The following GREB1L variants were observed in gnomAD, a reference collection of about 807,000 sequenced individuals.
GREB1L encodes the protein GREB1-like protein.
Under a neutral mutation model 200.8 loss-of-function variants are expected in GREB1L, and 17 were observed. The observed-to-expected ratio is 0.08, with a 90% CI of 0.06 to 0.13. The LOEUF (loss-of-function observed/expected upper bound fraction) is 0.13, where lower values mean the gene tolerates loss of function less well. GREB1L is among the 10% of genes least tolerant of loss of function. GREB1L has a pLI of 1.00. For synonymous variants in GREB1L, 789 were observed against 893.0 expected, an observed-to-expected ratio of 0.88 and a Z score of 2.08; for missense variants, 1,657 against 2,367.7, an observed-to-expected ratio of 0.70 and a Z score of 6.23.
chr18:21,305,354 G>A lies in GREB1L; in HGVS notation c.-119-60673G>A, dbSNP rs538440042. On this transcript the variant is annotated intron_variant, in intron 1 of 32. Coordinates refer to ENST00000424526, the MANE Select transcript of GREB1L (RefSeq NM_001142966.3). The stretch of plus-strand genomic sequence containing the variant: ...CTATGTAAAGTTCTTATTGATTTAC[G>A]TACCTGTTTGATTCCCTTACATAAC... Among the ~76,000 whole-genome samples, 18 of 152,040 alleles carry A rather than the reference G, an allele frequency of 1.2e-4. 1 individual carries two copies. In the East Asian group the frequency reaches 1.4e-3, roughly 11 times the overall value.
chr18:21,455,545 TAG>T (rs2145483685), intron 15 of GREB1L, among the ~76,000 whole-genome samples: 1 of 151,952 alleles, frequency 6.6e-6, no homozygotes, highest in Non-Finnish European at 1.5e-5. Flanking sequence ...AGCCAGGTGG[TAG>T]TGGCACATGC....
At chr18:21,492,215 G>A (rs1459606932) in intron 19 of GREB1L, among the ~76,000 whole-genome samples, 2 of 151,912 alleles carry the variant, frequency 1.3e-5, no homozygotes, top group South Asian at 4.2e-4. Context: ...GCATGGTGGC[G>A]GGCGCCTGTG....
intron 1 of GREB1L, among the ~76,000 whole-genome samples, chr18:21,346,272 C>G (rs1394713059): frequency 6.6e-6 from 1 of 152,114 alleles, no homozygotes; most frequent in Non-Finnish European, 1.5e-5. Context: ...CTATCATGAC[C>G]ACTCACTAGG....
Position 21,441,478 on chromosome 18 carries a change from C to G in GREB1L, c.1148C>G (p.Thr383Ser). 1 of 1,551,470 alleles carries G rather than the reference C, an allele frequency of 6.4e-7. No individual in the cohort carries two copies. Among genetic ancestry groups the G allele is most frequent in the South Asian group, 1.2e-5 (1 of 84,050 alleles). ...CCCAGGCCCATTCCTGCAGGGGAAA[C>G]TGTAATTGTTCCTGAAAACCTGCTG... ...LQPRPIPAGE[T>S]VIVPENLLSN... Residue 383 changes from threonine (T) to serine (S), a missense_variant, in exon 10 of 33, where the codon ACT becomes AGT. By Grantham distance (58) the Thr-to-Ser change is moderately conservative. This residue lies in a region of GREB1L where 289 missense variants were observed against 345.1 expected (regional missense o/e 0.84). Coordinates refer to ENST00000424526, the MANE Select transcript of GREB1L (RefSeq NM_001142966.3).
intron 1 of GREB1L, among the ~76,000 whole-genome samples, chr18:21,355,982 CT>C (rs869238658): frequency 2.0e-3 from 222 of 109,182 alleles, no homozygotes; most frequent in Middle Eastern, 6.6e-3. Context: ...AATTAGGCTT[CT>C]TTTTTTTTTT....
At chr18:21,392,278 T>C (rs2040855135) in intron 4 of GREB1L, among the ~76,000 whole-genome samples, 1 of 152,094 alleles carries the variant, frequency 6.6e-6, no homozygotes, top group African/African-American at 2.4e-5. Flanking sequence ...TTAGCTGCCA[T>C]CATCATCATC....
At chr18:21,443,740 A>G (rs1021650058) in intron 10 of GREB1L, among the ~76,000 whole-genome samples, 2 of 152,192 alleles carry the variant, frequency 1.3e-5, no homozygotes, top group African/African-American at 4.8e-5. Flanking sequence ...CCCATATCAA[A>G]TCGAATATCC....
intron 1 of GREB1L, among the ~76,000 whole-genome samples, chr18:21,273,562 G>A (rs1014728924): frequency 1.1e-4 from 17 of 152,166 alleles, no homozygotes; most frequent in Admixed American, 2.0e-4. Context: ...ACACTAATCT[G>A]TAATTATATA....
intron 2 of GREB1L, among the ~76,000 whole-genome samples, chr18:21,369,601 A>C (rs542971949): frequency 6.6e-6 from 1 of 152,330 alleles, no homozygotes; most frequent in South Asian, 2.1e-4. Flanking sequence ...ATAGTACAAT[A>C]ATTATTTCTA....
intron 19 of GREB1L, among the ~76,000 whole-genome samples, chr18:21,494,324 C>G (rs774637113): frequency 6.6e-6 from 1 of 152,136 alleles, no homozygotes; most frequent in Non-Finnish European, 1.5e-5. Flanking sequence ...TAAGCTTCTT[C>G]CAGTTTTACA....
intron 1 of GREB1L, among the ~76,000 whole-genome samples, chr18:21,331,413 T>G: frequency 6.6e-6 from 1 of 152,186 alleles, no homozygotes. Context: ...GTCAGAAGAT[T>G]AATTATGCTC....
chr18:21,274,630 A>T (rs898444174), intron 1 of GREB1L, among the ~76,000 whole-genome samples: 1 of 152,158 alleles, frequency 6.6e-6, no homozygotes, highest in Non-Finnish European at 1.5e-5. Flanking sequence ...ACAATGACAC[A>T]TGCCTGTAAT....
chr18:21,277,154 T>A (rs551276036), intron 1 of GREB1L, among the ~76,000 whole-genome samples: 6 of 152,182 alleles, frequency 3.9e-5, no homozygotes, highest in African/African-American at 1.4e-4. Flanking sequence ...GGTCTCAATC[T>A]CCTGACCTTG....
rs1245387081 is a variant in GREB1L at position 21,524,141 on chromosome 18, T to A, written c.*1320T>A. On this transcript the variant is annotated 3_prime_UTR_variant, in exon 33 of 33. Transcript: ENST00000424526. ...CCCATATTTACTACTTTATCCCCACTTAAAATGGCCATTTTTACTTGAATC... is the reference window on the plus strand; with the variant it reads ...CCCATATTTACTACTTTATCCCCACATAAAATGGCCATTTTTACTTGAATC... 2 of 152,240 alleles carry A rather than the reference T, an allele frequency of 1.3e-5. No individual in the cohort carries two copies. The highest frequency in any genetic ancestry group is 2.9e-5 in the Non-Finnish European group (2 of 68,034). The allele number at this position is 152,240 out of a possible 1,614,324, so 9.4% of individuals were successfully genotyped here.
In GREB1L at chr18:21,522,841, C is replaced by G. The variant is rs1189065580; in HGVS notation, c.*20C>G. 7 of 1,528,494 alleles carry G rather than the reference C, an allele frequency of 4.6e-6. No homozygotes were observed. The highest frequency in any genetic ancestry group is 6.2e-6 in the Non-Finnish European group (7 of 1,135,748). The allele number at this position is 1,528,494 out of a possible 1,614,324, so 94.7% of individuals were successfully genotyped here. On this transcript the variant is annotated 3_prime_UTR_variant, in exon 33 of 33. Coordinates refer to ENST00000424526, the MANE Select transcript of GREB1L (RefSeq NM_001142966.3). ...GTATGAGCTTTTGAAGAGACCAAAA[C>G]AGCAAAAAGATGCCTAGGTGGGATG...
intron 15 of GREB1L, among the ~76,000 whole-genome samples, chr18:21,455,818 T>G (rs1397585396): frequency 6.6e-6 from 1 of 150,800 alleles, no homozygotes; most frequent in East Asian, 2.0e-4. Flanking sequence ...TTATCCTACA[T>G]AAAGATCACC....
At chr18:21,324,150 T>C (rs2038989617) in intron 1 of GREB1L, among the ~76,000 whole-genome samples, 1 of 152,218 alleles carries the variant, frequency 6.6e-6, no homozygotes. Context: ...GTTACTATAT[T>C]TGAATTGTTG....
chr18:21,341,073 A>T (rs2039263072), intron 1 of GREB1L, among the ~76,000 whole-genome samples: 1 of 152,226 alleles, frequency 6.6e-6, no homozygotes, highest in Admixed American at 6.5e-5. Context: ...GTAGTGAAGC[A>T]TGATCACCAC....
chr18:21,420,585 A>T (rs1299687324), intron 7 of GREB1L, among the ~76,000 whole-genome samples: 2 of 152,212 alleles, frequency 1.3e-5, no homozygotes, highest in East Asian at 3.8e-4. Context: ...AAATTTAAAT[A>T]ACAATGAGAT....
Sources: gnomAD v4.1 joint callset for allele counts (sites outside exome capture counted in the v4.1 genomes callset) on GRCh38, gnomAD v4.1.1 for gene constraint, gnomAD v4.1.1 regional missense constraint, MANE v1.5 for transcripts, NCBI Gene and HGNC (gene_info 2026-07-23, HGNC 2026-07-21) for gene names.